The following MTMR7 variants were observed in gnomAD, a reference collection of about 807,000 sequenced individuals.
MTMR7 encodes the protein myotubularin related protein 7.
Under a neutral mutation model 81.2 loss-of-function variants are expected in MTMR7, and 76 were observed. The ratio of observed to expected loss-of-function variants is 0.94; its 90% CI spans 0.78 to 1.13. MTMR7 has a LOEUF of 1.13. MTMR7 is among the 50% of genes most tolerant of loss of function. MTMR7 has a pLI of 0.00. For missense variants in MTMR7, 1,044 were observed against 820.0 expected, an observed-to-expected ratio of 1.27 and a Z score of -3.34; for synonymous variants, 372 against 289.8, an observed-to-expected ratio of 1.28 and a Z score of -2.88.
intron 6 of MTMR7, among the ~76,000 whole-genome samples, chr8:17,335,506 C>T (rs1431203095): frequency 2.6e-5 from 4 of 152,156 alleles, no homozygotes; most frequent in African/African-American, 4.8e-5. Flanking sequence ...CTACCATTTC[C>T]ACAGCTACAT....
intron 1 of MTMR7, among the ~76,000 whole-genome samples, chr8:17,401,129 T>C (rs1470619582): frequency 2.0e-5 from 3 of 152,122 alleles, no homozygotes; most frequent in Non-Finnish European, 4.4e-5. Flanking sequence ...TGTGTAGGTG[T>C]GTATGTATGT....
chr8:17,406,998 C>T (rs1296243278), intron 1 of MTMR7, among the ~76,000 whole-genome samples: 1 of 152,016 alleles, frequency 6.6e-6, no homozygotes, highest in Non-Finnish European at 1.5e-5. Context: ...TATAGTGTTT[C>T]TCTTTGGAGT....
chr8:17,357,179 C>A (rs1819920830), intron 4 of MTMR7, among the ~76,000 whole-genome samples: 1 of 152,218 alleles, frequency 6.6e-6, no homozygotes, highest in Non-Finnish European at 1.5e-5. Flanking sequence ...TCAGTATCAA[C>A]AGTTACTAAT....
chr8:17,350,402 G>C (rs547545919), intron 4 of MTMR7, among the ~76,000 whole-genome samples: 2 of 152,236 alleles, frequency 1.3e-5, no homozygotes. Flanking sequence ...GTCTTACGTG[G>C]TAGCAGGCAA....
intron 8 of MTMR7, among the ~76,000 whole-genome samples, chr8:17,312,595 A>G (rs2150489282): frequency 6.6e-6 from 1 of 151,726 alleles, no homozygotes; most frequent in South Asian, 2.1e-4. Context: ...AAAAAAAAAA[A>G]AAAAAATTCT....
chr8:17,402,153 T>C (rs1182960589), intron 1 of MTMR7, among the ~76,000 whole-genome samples: 9 of 152,204 alleles, frequency 5.9e-5, no homozygotes, highest in Non-Finnish European at 1.3e-4. Context: ...GTATGTGAGA[T>C]ACTTTGATAC....
intron 6 of MTMR7, among the ~76,000 whole-genome samples, chr8:17,341,060 T>C (rs1261663158): frequency 6.6e-6 from 1 of 152,238 alleles, no homozygotes; most frequent in African/African-American, 2.4e-5. Flanking sequence ...AACCAAGTAC[T>C]AATACGGTAT....
intron 7 of MTMR7, among the ~76,000 whole-genome samples, chr8:17,322,533 CAT>C (rs887165452): frequency 1.3e-5 from 2 of 152,142 alleles, no homozygotes; most frequent in Non-Finnish European, 2.9e-5. Context: ...AAATAAAAAA[CAT>C]GTGGCTGGGC....
chr8:17,315,100 C>T (rs1817993002), intron 7 of MTMR7, among the ~76,000 whole-genome samples: 1 of 152,122 alleles, frequency 6.6e-6, no homozygotes, highest in South Asian at 2.1e-4. Context: ...AAAAGTTATA[C>T]AATATTTAAA....
intron 4 of MTMR7, among the ~76,000 whole-genome samples, chr8:17,359,461 T>C (rs531393449): frequency 6.6e-6 from 1 of 152,026 alleles, no homozygotes; most frequent in Admixed American, 6.5e-5. Flanking sequence ...TAAGCAATTA[T>C]GGTAGCATGT....
chr8:17,313,438 G>A (rs779273881), intron 7 of MTMR7, 37 bp from the exon 8 acceptor site: 2 of 1,326,386 alleles, frequency 1.5e-6, no homozygotes, highest in Admixed American at 1.8e-5. Context: ...CAAAATTAAG[G>A]TACTCTCTCA....
In MTMR7 at chr8:17,361,293, T is replaced by C. The variant is rs763259273; in HGVS notation, c.311-19A>G. ...TATTTCACTGCAAGAAAAGGTAGGA[T>C]AAAGTTAAATCAAGCTTAGTCAAAA... On this transcript the variant is annotated intron_variant, in intron 3 of 13. Transcript: ENST00000180173. 11 of 1,613,644 alleles carry C rather than the reference T, an allele frequency of 6.8e-6. No homozygotes were observed. The East Asian group carries it at 2.2e-4, about 33-fold the overall frequency.
chr8:17,307,204 C>T (rs1409541595), intron 10 of MTMR7, among the ~76,000 whole-genome samples: 2 of 152,162 alleles, frequency 1.3e-5, no homozygotes, highest in East Asian at 3.9e-4. Context: ...AAAAAAACAA[C>T]CCCATCAAAA....
chr8:17,381,191 G>C (rs1217012823), intron 1 of MTMR7, among the ~76,000 whole-genome samples: 3 of 151,996 alleles, frequency 2.0e-5, no homozygotes, highest in African/African-American at 7.3e-5. Flanking sequence ...TTCTTCCTCT[G>C]TTGGGGTTAG....
At chr8:17,369,506 G>T (rs969401673) in intron 3 of MTMR7, among the ~76,000 whole-genome samples, 2 of 152,060 alleles carry the variant, frequency 1.3e-5, no homozygotes, top group Non-Finnish European at 2.9e-5. Context: ...AAAAGCATTT[G>T]GCAAAGTAAT....
At chr8:17,333,379 A>G (rs1283115899) in intron 6 of MTMR7, among the ~76,000 whole-genome samples, 1 of 152,222 alleles carries the variant, frequency 6.6e-6, no homozygotes, top group African/African-American at 2.4e-5. Context: ...ACTGCTTTGT[A>G]TAATTATTTT....
At position 17,341,468 on chromosome 8, in the gene MTMR7, C is replaced by G. The variant is rs1210041127; in HGVS notation, c.627G>C (p.Leu209=). Residue 209 remains leucine (L), a synonymous_variant, in exon 6 of 14, where the codon CTG becomes CTC. Transcript: ENST00000180173. ...CTAGGCACCGGGCACTGAAGCCGGACAGGGGCTGGCTGCTCCGGCAGATGG... is the reference window on the plus strand; with the variant it reads ...CTAGGCACCGGGCACTGAAGCCGGAGAGGGGCTGGCTGCTCCGGCAGATGG... ...HASICRSSQP[L]SGFSARCLED... is the part of the protein sequence containing the mutation. 1.9e-6 allele frequency: 3 copies of G among 1,614,072 alleles called. No homozygotes were observed. The highest frequency in any genetic ancestry group is 2.2e-5 in the East Asian group (1 of 44,874).
Position 17,300,227 on chromosome 8 carries a change from A to G in MTMR7, c.1621-3T>C, listed in dbSNP as rs200314031. On this transcript the variant is annotated splice_region_variant and splice_polypyrimidine_tract_variant and intron_variant, in intron 13 of 13. Coordinates refer to ENST00000180173, the MANE Select transcript of MTMR7 (RefSeq NM_004686.5). ...ACCTTTTGAATTTTTTCCAGCCTCT[A>G]AGAAAGAAATAACAATTTCAGGGGA... is the stretch of plus-strand genomic sequence containing the variant. 6.3e-7 allele frequency: 1 copy of G among 1,596,466 alleles called. No homozygotes were observed. The highest frequency in any genetic ancestry group is 2.2e-5 in the East Asian group (1 of 44,642).
intron 1 of MTMR7, among the ~76,000 whole-genome samples, chr8:17,381,627 A>C (rs1820764188): frequency 6.6e-6 from 1 of 152,176 alleles, no homozygotes; most frequent in Non-Finnish European, 1.5e-5. Context: ...GGCTTTTCTC[A>C]GGCCAAAGAC....
Sources: gnomAD v4.1 joint callset for allele counts (sites outside exome capture counted in the v4.1 genomes callset) on GRCh38, gnomAD v4.1.1 for gene constraint, MANE v1.5 for transcripts, NCBI Gene and HGNC (gene_info 2026-07-23, HGNC 2026-07-21) for gene names.